NAV3: variants seen among roughly 807,000 people sequenced by gnomAD.
The protein encoded by NAV3 is pore membrane and/or filament interacting like protein 1.
In NAV3, 87 loss-of-function variants were observed where a neutral mutation model predicts 244.7. The observed-to-expected ratio is 0.36, with a 90% CI of 0.30 to 0.42. NAV3 has a LOEUF of 0.42. Among genes scored for constraint, NAV3 ranks in the 20% least tolerant of loss-of-function variants. The probability of loss-of-function intolerance (pLI) is 1.00; values close to 1 mark genes in which losing one functional copy is unlikely to be tolerated. For synonymous variants in NAV3, 1,126 were observed against 1,042.2 expected (o/e 1.08, Z -1.55); for missense variants, 2,663 against 2,893.3 (o/e 0.92, Z 1.83).
chr12:77,628,013 A>G (rs1434776886), intron 2 of NAV3, among the ~76,000 whole-genome samples: 2 of 152,286 alleles, frequency 1.3e-5, no homozygotes, highest in African/African-American at 4.8e-5. Context: ...AAAGGCTGGG[A>G]AAGGTAGGAG....
chr12:77,622,871 T>C (rs1271663937), intron 2 of NAV3, among the ~76,000 whole-genome samples: 2 of 152,186 alleles, frequency 1.3e-5, no homozygotes, highest in African/African-American at 4.8e-5. Flanking sequence ...TAAAACACTA[T>C]TGAGACTAGA....
intron 2 of NAV3, among the ~76,000 whole-genome samples, chr12:77,822,765 T>TTAG (rs1872799086): frequency 2.6e-5 from 4 of 152,302 alleles, no homozygotes. Context: ...TTGCAACTTG[T>TTAG]TAGTACGAGT....
chr12:78,039,727 G>A (rs777290555), intron 9 of NAV3, among the ~76,000 whole-genome samples: 2 of 152,024 alleles, frequency 1.3e-5, no homozygotes, highest in Non-Finnish European at 2.9e-5. Context: ...TAAATGGTCT[G>A]TCTGCCACCA....
At chr12:78,122,570 T>G in intron 16 of NAV3, 142 bp downstream of exon 16, 1 of 979,760 alleles carries the variant, frequency 1.0e-6, no homozygotes, top group Middle Eastern at 3.3e-4. Context: ...GGGCCTTTCA[T>G]TTGCTCTCAT....
intron 2 of NAV3, among the ~76,000 whole-genome samples, chr12:77,636,363 G>A (rs1872153304): frequency 6.6e-6 from 1 of 151,786 alleles, no homozygotes; most frequent in Non-Finnish European, 1.5e-5. Flanking sequence ...CTACTCAGGA[G>A]GCTGAGGCAG....
intron 12 of NAV3, among the ~76,000 whole-genome samples, chr12:78,101,383 C>T (rs75767807): frequency 0.013 from 1,941 of 152,274 alleles, 43 homozygotes; most frequent in African/African-American, 0.044. Context: ...GTTATTCAAG[C>T]TCCACAAGGT....
At chr12:78,084,611 C>T (rs987346407) in intron 12 of NAV3, among the ~76,000 whole-genome samples, 4 of 151,946 alleles carry the variant, frequency 2.6e-5, no homozygotes, top group African/African-American at 7.2e-5. Flanking sequence ...TCTCTCTCTG[C>T]TCTCCTTTGC....
chr12:78,025,801 G>T (rs1300265108), intron 9 of NAV3, among the ~76,000 whole-genome samples: 1 of 151,896 alleles, frequency 6.6e-6, no homozygotes, highest in Non-Finnish European at 1.5e-5. Flanking sequence ...TCTTGTTTAT[G>T]CTCTCACCAT....
chr12:78,166,000 A>G (rs1957766603), intron 23 of NAV3, among the ~76,000 whole-genome samples: 1 of 151,484 alleles, frequency 6.6e-6, no homozygotes, highest in Non-Finnish European at 1.5e-5. Context: ...AATAAAGTTA[A>G]AGTTTTATGT....
intron 2 of NAV3, among the ~76,000 whole-genome samples, chr12:77,706,732 G>A (rs778738493): frequency 1.3e-5 from 2 of 150,216 alleles, no homozygotes; most frequent in Non-Finnish European, 3.0e-5. Context: ...TTAGCAGGGC[G>A]TGGTGGCGGG....
chr12:77,825,497 G>A (rs1190992469), intron 2 of NAV3, among the ~76,000 whole-genome samples: 1 of 152,052 alleles, frequency 6.6e-6, no homozygotes, highest in Non-Finnish European at 1.5e-5. Flanking sequence ...GTAATTTGAA[G>A]GCATATTCTA....
intron 2 of NAV3, among the ~76,000 whole-genome samples, chr12:77,697,495 C>T (rs768101723): frequency 5.3e-5 from 8 of 152,158 alleles, no homozygotes; most frequent in Non-Finnish European, 1.0e-4. Flanking sequence ...TGTTAATGCG[C>T]TGTTTGTGTG....
chr12:77,978,119 A>C (rs1039343607), intron 5 of NAV3, among the ~76,000 whole-genome samples: 5 of 152,180 alleles, frequency 3.3e-5, no homozygotes, highest in Non-Finnish European at 7.4e-5. Context: ...AAACGTCATA[A>C]TTGTCTTTTA....
Position 78,116,919 on chromosome 12 carries a change from C to A in NAV3, c.2769+15C>A. ...AGAATACTCAGGTGAGAATTACCAC[C>A]TTTCTTTTTCCAGTGTTTCTGCCAG... On this transcript the variant is annotated intron_variant, in intron 13 of 39. Coordinates refer to ENST00000397909, the MANE Select transcript of NAV3 (RefSeq NM_001024383.2). 1 of 1,609,006 alleles carries A rather than the reference C, an allele frequency of 6.2e-7. No individual in the cohort carries two copies. Among genetic ancestry groups the A allele is most frequent in the Non-Finnish European group, 8.5e-7 (1 of 1,176,780 alleles).
intron 1 of NAV3, among the ~76,000 whole-genome samples, chr12:77,873,730 A>G (rs1242633111): frequency 2.6e-4 from 22 of 85,218 alleles, no homozygotes; most frequent in Non-Finnish European, 3.1e-4. Flanking sequence ...TTATCTAAAT[A>G]CATATGTGTG....
At chr12:78,029,803 A>C (rs1358070943) in intron 9 of NAV3, among the ~76,000 whole-genome samples, 1 of 152,180 alleles carries the variant, frequency 6.6e-6, no homozygotes, top group Non-Finnish European at 1.5e-5. Context: ...CATTAATGCT[A>C]TGTCATATTT....
rs1958410274 is a variant in NAV3, at chr12:78,179,518, T to C, written c.5364-11T>C. 1 of 1,612,988 alleles carries C rather than the reference T, an allele frequency of 6.2e-7. No individual in the cohort carries two copies. Among genetic ancestry groups the C allele is most frequent in the Non-Finnish European group, 8.5e-7 (1 of 1,179,346 alleles). ...CCCCAGGCCACTGATTCTGTTTGTTTCCTTCTTCAGGATCTGTGAATGCAC... is the reference window on the plus strand; with the variant it reads ...CCCCAGGCCACTGATTCTGTTTGTTCCCTTCTTCAGGATCTGTGAATGCAC... On this transcript the variant is annotated splice_polypyrimidine_tract_variant and intron_variant, in intron 28 of 39. Transcript: ENST00000397909.
rs1345934331 is a variant in NAV3 at position 77,690,677 on chromosome 12, G to C, written c.72+118411G>C. On this transcript the variant is annotated intron_variant, in intron 2 of 8. Transcript: ENST00000550042. ...AGGAAGTTATTAATGATTTTCTAGA[G>C]CCTCAGTTTTCTCCTCCATTAAAGT... is the stretch of plus-strand genomic sequence containing the variant. Among the ~76,000 whole-genome samples the C allele has an allele frequency of 1.5e-4, 3 of 20,478 alleles. No individual in the cohort carries two copies. The South Asian group carries it at 5.2e-3, about 36-fold the overall frequency. The allele number at this position is 20,478 out of a possible 152,430, so 13.4% of individuals were successfully genotyped here.
chr12:77,691,425 A>G (rs1347284579), intron 2 of NAV3, among the ~76,000 whole-genome samples: 1 of 147,038 alleles, frequency 6.8e-6, no homozygotes, highest in Admixed American at 6.9e-5. Context: ...ATTATTTACT[A>G]AGTGTTAAGT....
Sources: allele counts gnomAD v4.1 joint callset (sites outside exome capture counted in the v4.1 genomes callset), GRCh38; gene constraint gnomAD v4.1.1; transcripts MANE v1.5; gene names NCBI Gene and HGNC (gene_info 2026-07-23, HGNC 2026-07-21).